The following EYS variants were observed in gnomAD, a reference collection of about 807,000 sequenced individuals.
EYS encodes the protein protein eyes shut homolog.
EYS carries 250 observed loss-of-function variants against 282.1 expected under a neutral mutation model. That is an observed-to-expected ratio of 0.89 (90% CI 0.80 to 0.98). The LOEUF (loss-of-function observed/expected upper bound fraction) is 0.98, where lower values mean the gene tolerates loss of function less well. EYS is among the 50% of genes least tolerant of loss of function. EYS has a pLI of 0.00. For synonymous variants in EYS, 1,355 were observed against 1,282.9 expected (o/e 1.06, Z -1.20); for missense variants, 4,016 against 3,709.0 (o/e 1.08, Z -2.15).
chr6:64,848,719 C>A (rs1023809745), intron 19 of EYS, among the ~76,000 whole-genome samples: 1 of 152,038 alleles, frequency 6.6e-6, no homozygotes. Context: ...GTACACAGAA[C>A]AAGTATAGGA....
intron 8 of EYS, among the ~76,000 whole-genome samples, chr6:65,383,945 T>C (rs1365185887): frequency 6.6e-6 from 1 of 151,880 alleles, no homozygotes; most frequent in Non-Finnish European, 1.5e-5. Context: ...GTAACATTGC[T>C]AGGTTGTGGA....
intron 14 of EYS, among the ~76,000 whole-genome samples, chr6:64,988,444 G>C (rs1346898016): frequency 6.6e-6 from 1 of 151,540 alleles, no homozygotes; most frequent in Non-Finnish European, 1.5e-5. Flanking sequence ...TATAGACTCT[G>C]TGAGTTTCTT....
At chr6:65,386,237 C>A (rs577629728) in intron 7 of EYS, among the ~76,000 whole-genome samples, 5 of 150,750 alleles carry the variant, frequency 3.3e-5, no homozygotes, top group African/African-American at 1.2e-4. Context: ...AGGTAAGAGA[C>A]CCCCCAAATA....
intron 31 of EYS, among the ~76,000 whole-genome samples, chr6:64,113,782 A>T (rs1371322990): frequency 6.6e-6 from 1 of 151,990 alleles, no homozygotes; most frequent in African/African-American, 2.4e-5. Flanking sequence ...ATTCTTTTAT[A>T]TTTCAACTAG....
intron 26 of EYS, among the ~76,000 whole-genome samples, chr6:64,543,617 C>A (rs1424837355): frequency 6.6e-6 from 1 of 152,088 alleles, no homozygotes; most frequent in Non-Finnish European, 1.5e-5. Flanking sequence ...TACAATCTAG[C>A]TGTATTAACA....
chr6:64,060,703 G>A (rs1461403845), intron 33 of EYS, among the ~76,000 whole-genome samples: 2 of 152,148 alleles, frequency 1.3e-5, no homozygotes, highest in African/African-American at 4.8e-5. Context: ...TAGACATGGA[G>A]ACGTCAACAG....
intron 30 of EYS, among the ~76,000 whole-genome samples, chr6:64,303,625 G>A (rs7757098): frequency 0.67 from 101,752 of 151,284 alleles, 34,301 homozygotes; most frequent in South Asian, 0.71. Context: ...GGCGGATCAC[G>A]AGGTCAGGAG....
intron 22 of EYS, among the ~76,000 whole-genome samples, chr6:64,712,340 A>G (rs903143342): frequency 6.6e-6 from 1 of 152,206 alleles, no homozygotes; most frequent in Non-Finnish European, 1.5e-5. Flanking sequence ...TAAAGAGATA[A>G]GAGTGTTTGT....
intron 18 of EYS, among the ~76,000 whole-genome samples, chr6:64,887,896 G>A (rs887330690): frequency 8.5e-5 from 13 of 152,150 alleles, no homozygotes; most frequent in African/African-American, 2.9e-4. Flanking sequence ...GTCTTACTCA[G>A]TATTAATAAA....
At chr6:64,132,924 A>G (rs1161991889) in intron 31 of EYS, among the ~76,000 whole-genome samples, 3 of 152,016 alleles carry the variant, frequency 2.0e-5, no homozygotes, top group Non-Finnish European at 4.4e-5. Flanking sequence ...GTGGATTTTC[A>G]CTATAGTGTA....
intron 30 of EYS, among the ~76,000 whole-genome samples, chr6:64,257,411 A>T (rs1767436934): frequency 6.6e-6 from 1 of 151,946 alleles, no homozygotes; most frequent in Non-Finnish European, 1.5e-5. Context: ...TAATCTATTT[A>T]TCCTTACTTC....
chr6:63,720,950 T>C lies in EYS; in HGVS notation c.9081A>G (p.Arg3027=). Residue 3027 remains arginine (R), a synonymous_variant, in exon 43 of 43, where the codon AGA becomes AGG. Coordinates refer to ENST00000503581, the MANE Select transcript of EYS (RefSeq NM_001142800.2). ...TGTTATAGCTCATAGGCACAGAGAT[T>C]CTTTCTCCCAAGTTAACTGCTATTT... The part of the protein sequence containing the change: ...TLKIAVNLGE[R]ISVPMSYNNG... 6.4e-7 allele frequency: 1 copy of C among 1,551,374 alleles called. No individual in the cohort carries two copies. The highest frequency in any genetic ancestry group is 8.7e-7 in the Non-Finnish European group (1 of 1,146,788).
chr6:64,187,857 T>C (rs917940362), intron 31 of EYS, among the ~76,000 whole-genome samples: 4 of 152,114 alleles, frequency 2.6e-5, no homozygotes, highest in Non-Finnish European at 5.9e-5. Context: ...TGGCTCTTTG[T>C]GTTTAATATA....
At chr6:65,439,729 T>A (rs1768232903) in intron 5 of EYS, among the ~76,000 whole-genome samples, 1 of 152,154 alleles carries the variant, frequency 6.6e-6, no homozygotes, top group East Asian at 1.9e-4. Flanking sequence ...AAGTTGCTTA[T>A]CAGGTTAAGG....
chr6:65,272,861 A>G (rs1488684668), intron 12 of EYS, among the ~76,000 whole-genome samples: 1 of 152,132 alleles, frequency 6.6e-6, no homozygotes, highest in African/African-American at 2.4e-5. Flanking sequence ...AGCGGCCTTA[A>G]TCTCCCACAG....
At position 65,047,669 on chromosome 6, in the gene EYS, A is replaced by G. The variant is rs1011436108; in HGVS notation, c.2137+9945T>C. Among the ~76,000 whole-genome samples, 144 of 151,918 alleles carry G rather than the reference A, an allele frequency of 9.5e-4. 1 individual carries two copies. The highest frequency in any genetic ancestry group is 9.5e-3 in the Admixed American group (144 of 15,210). The stretch of plus-strand genomic sequence containing the variant: ...TGGTCTAACATCTTCCTATGCACAC[A>G]TTAGGATTACTAAGTGTGATTGGAT... On this transcript the variant is annotated intron_variant, in intron 13 of 42. Coordinates refer to ENST00000503581, the MANE Select transcript of EYS (RefSeq NM_001142800.2).
chr6:65,375,225 G>A (rs1718392957), intron 8 of EYS, among the ~76,000 whole-genome samples: 2 of 152,180 alleles, frequency 1.3e-5, no homozygotes, highest in Admixed American at 6.5e-5. Flanking sequence ...GCCTCTGCTG[G>A]TGATACCCAA....
chr6:64,523,041 T>TC (rs1777805007), intron 26 of EYS, among the ~76,000 whole-genome samples: 1 of 149,594 alleles, frequency 6.7e-6, no homozygotes, highest in Non-Finnish European at 1.5e-5. Flanking sequence ...AGTTAAGGTT[T>TC]ATGAGCTGTT....
intron 12 of EYS, among the ~76,000 whole-genome samples, chr6:65,122,210 C>T (rs1775575897): frequency 6.6e-6 from 1 of 152,030 alleles, no homozygotes; most frequent in Admixed American, 6.6e-5. Flanking sequence ...AACATATGCA[C>T]AGAAATGAAT....
Sources: gnomAD v4.1 joint callset for allele counts (sites outside exome capture counted in the v4.1 genomes callset) on GRCh38, gnomAD v4.1.1 for gene constraint, MANE v1.5 for transcripts, NCBI Gene and HGNC (gene_info 2026-07-23, HGNC 2026-07-21) for gene names.